Variants in DNM3 observed in about 807,000 individuals in gnomAD.
DNM3 encodes dynamin-3.
A neutral mutation model predicts 101.6 loss-of-function variants in DNM3; 47 were observed. That is an observed-to-expected ratio of 0.46 (90% CI 0.37 to 0.59). The LOEUF (loss-of-function observed/expected upper bound fraction) is 0.59, where lower values mean the gene tolerates loss of function less well. Among genes scored for constraint, DNM3 ranks in the 20% least tolerant of loss-of-function variants. The pLI, the probability that DNM3 is intolerant of heterozygous loss-of-function variation, is 0.00. For missense variants in DNM3, 849 were observed against 1,085.7 expected (o/e 0.78, Z 3.06); for synonymous variants, 385 against 387.9 (o/e 0.99, Z 0.09).
At chr1:172,286,708 C>T (rs1010078628) in intron 15 of DNM3, among the ~76,000 whole-genome samples, 21 of 152,186 alleles carry the variant, frequency 1.4e-4, no homozygotes, top group Admixed American at 1.3e-3. Context: ...CTCTTTAATC[C>T]ATCTGGAACC....
chr1:172,347,242 C>T (rs1017256221), intron 17 of DNM3, among the ~76,000 whole-genome samples: 8 of 151,784 alleles, frequency 5.3e-5, no homozygotes, highest in African/African-American at 1.9e-4. Context: ...AATGCAAATT[C>T]GACCCAGGCC....
At chr1:172,253,940 T>A (rs2062291328) in intron 15 of DNM3, among the ~76,000 whole-genome samples, 1 of 152,060 alleles carries the variant, frequency 6.6e-6, no homozygotes, top group African/African-American at 2.4e-5. Flanking sequence ...TAATTCTTCA[T>A]CCATTTTTTT....
chr1:172,127,140 C>T (rs537552334), intron 13 of DNM3, among the ~76,000 whole-genome samples: 2 of 152,164 alleles, frequency 1.3e-5, no homozygotes, highest in South Asian at 4.2e-4. Context: ...CTCTCACTCT[C>T]CCAGATAATT....
At chr1:172,215,521 GC>G in intron 14 of DNM3, among the ~76,000 whole-genome samples, 1 of 151,960 alleles carries the variant, frequency 6.6e-6, no homozygotes, top group East Asian at 1.9e-4. Context: ...AAATTAAGGA[GC>G]AATCCAAAGG....
At chr1:171,951,565 T>G (rs1229544677) in intron 2 of DNM3, among the ~76,000 whole-genome samples, 1 of 152,184 alleles carries the variant, frequency 6.6e-6, no homozygotes, top group Non-Finnish European at 1.5e-5. Flanking sequence ...GACCATGCCT[T>G]ATTTATGTTG....
intron 20 of DNM3, chr1:172,394,102 G>A (rs2069763415): frequency 6.6e-6 from 1 of 152,164 alleles, no homozygotes; most frequent in Non-Finnish European, 1.5e-5. Flanking sequence ...TTATTTCATT[G>A]GAGTGAATCA....
chr1:171,999,829 A>G (rs2046251037), intron 4 of DNM3, among the ~76,000 whole-genome samples: 1 of 152,044 alleles, frequency 6.6e-6, no homozygotes, highest in African/African-American at 2.4e-5. Context: ...GGAGGCAGAG[A>G]TTGGAGTTAT....
At chr1:172,088,315 G>A (rs2053671939) in intron 12 of DNM3, among the ~76,000 whole-genome samples, 1 of 152,204 alleles carries the variant, frequency 6.6e-6, no homozygotes, top group Non-Finnish European at 1.5e-5. Flanking sequence ...CTTGATTGGA[G>A]TTTTAAGACT....
intron 1 of DNM3, among the ~76,000 whole-genome samples, chr1:171,862,089 T>G (rs933340312): frequency 4.6e-5 from 7 of 152,078 alleles, no homozygotes; most frequent in Non-Finnish European, 8.8e-5. Context: ...CAACTGCTGG[T>G]GAGGATGTGG....
intron 14 of DNM3, among the ~76,000 whole-genome samples, chr1:172,134,368 A>G (rs554865987): frequency 5.3e-5 from 8 of 152,076 alleles, no homozygotes; most frequent in Non-Finnish European, 7.4e-5. Flanking sequence ...CACAACTCAA[A>G]CTCAATGATG....
chr1:171,845,302 A>G (rs1558154671), intron 1 of DNM3, among the ~76,000 whole-genome samples: 1 of 152,212 alleles, frequency 6.6e-6, no homozygotes, highest in African/African-American at 2.4e-5. Flanking sequence ...TAACCCCAGT[A>G]TTTGGGGAGG....
Position 172,407,870 on chromosome 1 carries a change from C to T in DNM3, c.*29C>T, listed in dbSNP as rs2071007619. ...AAGTGTCTGGCATGGCAATTAATCACTAATGAATTATGCGAAAGCAACATA... is the reference window on the plus strand; with the variant it reads ...AAGTGTCTGGCATGGCAATTAATCATTAATGAATTATGCGAAAGCAACATA... On this transcript the variant is annotated 3_prime_UTR_variant, in exon 21 of 21. Transcript: ENST00000627582. 6.2e-7 allele frequency: 1 copy of T among 1,612,810 alleles called. No homozygotes were observed. Among genetic ancestry groups the T allele is most frequent in the Non-Finnish European group, 8.5e-7 (1 of 1,179,006 alleles).
At chr1:172,226,963 G>A (rs1365832371) in intron 14 of DNM3, among the ~76,000 whole-genome samples, 1 of 151,642 alleles carries the variant, frequency 6.6e-6, no homozygotes, top group Non-Finnish European at 1.5e-5. Context: ...TGGTCACATG[G>A]ATTGTATAGT....
intron 1 of DNM3, among the ~76,000 whole-genome samples, chr1:171,905,945 CTG>C (rs2038789943): frequency 6.6e-6 from 1 of 152,008 alleles, no homozygotes; most frequent in South Asian, 2.1e-4. Flanking sequence ...TGTAAGCAGA[CTG>C]TGATTTAGTA....
At chr1:171,860,667 T>C (rs780924806) in intron 1 of DNM3, among the ~76,000 whole-genome samples, 127 of 152,090 alleles carry the variant, frequency 8.4e-4, no homozygotes, top group Non-Finnish European at 1.7e-3. Flanking sequence ...GAGAGATGGG[T>C]TAGGAATCTT....
intron 14 of DNM3, among the ~76,000 whole-genome samples, chr1:172,175,042 A>T (rs1311961802): frequency 6.6e-6 from 1 of 151,706 alleles, no homozygotes; most frequent in African/African-American, 2.4e-5. Flanking sequence ...ACAGCATTCT[A>T]ACAAAACAAG....
At chr1:171,955,823 G>A (rs2042817684) in intron 2 of DNM3, among the ~76,000 whole-genome samples, 1 of 152,294 alleles carries the variant, frequency 6.6e-6, no homozygotes, top group African/African-American at 2.4e-5. Flanking sequence ...TGGACTCATA[G>A]TTCCACATGG....
chr1:172,223,279 T>TC (rs1318067868), intron 14 of DNM3, among the ~76,000 whole-genome samples: 1 of 150,538 alleles, frequency 6.6e-6, no homozygotes, highest in Non-Finnish European at 1.5e-5. Context: ...TTTCTTTTTT[T>TC]TTTTTTTTTA....
chr1:172,056,501 C>T lies in DNM3; in HGVS notation c.1335+7751C>T, dbSNP rs576096848. Among the ~76,000 whole-genome samples the T allele has an allele frequency of 9.4e-4, 143 of 152,216 alleles. 1 individual carries two copies. The highest frequency in any genetic ancestry group is 3.3e-3 in the African/African-American group (137 of 41,542). ...CAGTACGCAGCTGGAGATCTGAGAACGGGCAGACTGCCTCCTCAAGTGGGT... is the reference window on the plus strand; with the variant it reads ...CAGTACGCAGCTGGAGATCTGAGAATGGGCAGACTGCCTCCTCAAGTGGGT... On this transcript the variant is annotated intron_variant, in intron 10 of 20. Transcript: ENST00000627582.
Sources: allele counts gnomAD v4.1 joint callset (sites outside exome capture counted in the v4.1 genomes callset), GRCh38; gene constraint gnomAD v4.1.1; transcripts MANE v1.5; gene names NCBI Gene and HGNC (gene_info 2026-07-23, HGNC 2026-07-21).